Variants in CEP120 observed in about 807,000 individuals in gnomAD.
CEP120 encodes centrosomal protein 120.
A neutral mutation model predicts 126.5 loss-of-function variants in CEP120; 113 were observed. The ratio of observed to expected loss-of-function variants is 0.89; its 90% CI spans 0.77 to 1.04. The LOEUF (loss-of-function observed/expected upper bound fraction) is 1.04, where lower values mean the gene tolerates loss of function less well. Ranked by LOEUF, CEP120 falls within the 50% of genes least tolerant of loss-of-function variation. The pLI is 0.00. For missense variants in CEP120, 1,230 were observed against 1,155.7 expected, an observed-to-expected ratio of 1.06 and a Z score of -0.93; for synonymous variants, 400 against 394.3, an observed-to-expected ratio of 1.01 and a Z score of -0.17.
At chr5:123,412,581 A>G (rs781432734) in intron 3 of CEP120, 41 bp from the exon 4 acceptor site, 77 of 1,462,958 alleles carry the variant, frequency 5.3e-5, no homozygotes, top group Non-Finnish European at 6.9e-5. Flanking sequence ...ATAGTTAATA[A>G]GGGAAAAAAC....
Position 123,382,896 on chromosome 5 carries a change from GA to G in CEP120, c.1861-8del. 6.2e-7 allele frequency: 1 copy of G among 1,611,830 alleles called. No homozygotes were observed. Among genetic ancestry groups the G allele is most frequent in the East Asian group, 2.2e-5 (1 of 44,830 alleles). On this transcript the variant is annotated splice_polypyrimidine_tract_variant and splice_region_variant and intron_variant, in intron 12 of 19. Transcript: ENST00000306467. ...GCTGTACGGCAGATACACCCTAAGA[GA>G]TGAACCAAAAAGTACATTTAAACAC...
intron 14 of CEP120, among the ~76,000 whole-genome samples, chr5:123,381,590 T>G (rs1189440690): frequency 1.3e-5 from 2 of 152,146 alleles, no homozygotes; most frequent in East Asian, 1.9e-4. Context: ...TTATCATTTT[T>G]AAAAATGTAA....
At chr5:123,408,069 C>T (rs1036060686) in intron 4 of CEP120, among the ~76,000 whole-genome samples, 22 of 152,046 alleles carry the variant, frequency 1.4e-4, no homozygotes, top group African/African-American at 5.3e-4. Context: ...TTTATTTCTC[C>T]TTCACTTTTG....
chr5:123,389,845 A>C, intron 8 of CEP120, 79 bp downstream of exon 8: 2 of 1,285,492 alleles, frequency 1.6e-6, no homozygotes, highest in Non-Finnish European at 2.2e-6. Context: ...TAACTCATGA[A>C]AGTTCTCATA....
At chr5:123,390,851 G>T (rs540906871) in intron 7 of CEP120, 6 of 333,110 alleles carry the variant, frequency 1.8e-5, no homozygotes, top group Admixed American at 1.3e-4. Flanking sequence ...TCTGGAGTTG[G>T]GGGTGGGGGA....
At chr5:123,358,178 T>G (rs941872688) in intron 18 of CEP120, 1 of 152,112 alleles carries the variant, frequency 6.6e-6, no homozygotes, top group Admixed American at 6.6e-5. Flanking sequence ...AAAAGACTTT[T>G]AATATATCTT....
chr5:123,382,352 T>C, intron 13 of CEP120, 152 bp from the exon 14 acceptor site: 1 of 511,596 alleles, frequency 2.0e-6, no homozygotes, highest in Non-Finnish European at 3.4e-6. Flanking sequence ...AAAAGGAGGA[T>C]GCCTGAGGCA....
At chr5:123,349,767 G>A (rs950671346) in intron 19 of CEP120, among the ~76,000 whole-genome samples, 177 bp downstream of exon 19, 1 of 152,044 alleles carries the variant, frequency 6.6e-6, no homozygotes, top group Non-Finnish European at 1.5e-5. Context: ...TCCTCTCAAA[G>A]TGCTAGGATT....
chr5:123,416,206 G>T (rs1774381035), intron 2 of CEP120, 82 bp from the exon 3 acceptor site: 2 of 772,394 alleles, frequency 2.6e-6, no homozygotes, highest in East Asian at 2.7e-5. Flanking sequence ...CTATTATCAA[G>T]ATACTTATAA....
intron 5 of CEP120, among the ~76,000 whole-genome samples, chr5:123,396,291 T>A (rs1191636243): frequency 6.6e-6 from 1 of 152,222 alleles, no homozygotes; most frequent in Non-Finnish European, 1.5e-5. Context: ...TGAATACCTA[T>A]TTCCAATACT....
intron 4 of CEP120, chr5:123,402,240 G>A (rs374690259): frequency 1.3e-6 from 2 of 1,506,602 alleles, no homozygotes; most frequent in Non-Finnish European, 9.1e-7. Flanking sequence ...GAAGCTTGAG[G>A]AGCTGATGTG....
At position 123,345,259 on chromosome 5, in the gene CEP120, A is replaced by G. The variant is rs1768727690; in HGVS notation, c.*1260T>C. On this transcript the variant is annotated 3_prime_UTR_variant, in exon 20 of 20. Transcript: ENST00000306467. ...TGCTGGGTTATTTTTTACTAGATTA[A>G]TACTCTGTTAATAAGGAAAAAATAT... 1 of 152,150 alleles carries G rather than the reference A, an allele frequency of 6.6e-6. No individual in the cohort carries two copies. Among genetic ancestry groups the G allele is most frequent in the African/African-American group, 2.4e-5 (1 of 41,454 alleles). 9.4% of individuals were successfully genotyped at this position (152,150 alleles called of 1,614,324 possible). A position where few individuals can be genotyped will look rare whatever the true frequency, so the allele number is the denominator to read the frequency against.
In CEP120 at chr5:123,388,510, G is replaced by T. The variant is rs772264882; in HGVS notation, c.1352C>A (p.Ser451Ter). 6.2e-7 allele frequency: 1 copy of T among 1,610,282 alleles called. No individual in the cohort carries two copies. Among genetic ancestry groups the T allele is most frequent in the African/African-American group, 1.3e-5 (1 of 74,912 alleles). The stretch of plus-strand genomic sequence containing the variant: ...GTCTATTGAAAAGCAAAAATGATGT[G>T]ATGTTGCTGGTACAGCAATCTTCTG... Reference protein sequence around the residue: ...SGQKIAVPATSHHFCFSIDLR... With the variant: ...SGQKIAVPAT Residue 451 changes from serine to a stop codon, truncating the protein, a stop_gained, in exon 9 of 20, where the codon TCA (serine) becomes TAA (stop). Coordinates refer to ENST00000306467, the MANE Select transcript of CEP120 (RefSeq NM_001375405.1). LOFTEE classifies it high-confidence loss of function.
chr5:123,395,307 C>G (rs1772702544), intron 5 of CEP120, among the ~76,000 whole-genome samples: 1 of 152,152 alleles, frequency 6.6e-6, no homozygotes, highest in Non-Finnish European at 1.5e-5. Context: ...CTGCTCCAAA[C>G]TCAATCCTCC....
intron 4 of CEP120, chr5:123,401,058 C>A (rs966925196): frequency 2.6e-6 from 4 of 1,558,688 alleles, no homozygotes; most frequent in Non-Finnish European, 3.5e-6. Flanking sequence ...GCTTGTGAGG[C>A]CCCCACAGGC....
intron 8 of CEP120, among the ~76,000 whole-genome samples, chr5:123,389,720 G>A (rs1266912239): frequency 2.0e-5 from 3 of 152,162 alleles, no homozygotes; most frequent in Admixed American, 6.5e-5. Flanking sequence ...GGCTGGTCTC[G>A]AATGCCCAAC....
chr5:123,412,400 T>C lies in CEP120; in HGVS notation c.462A>G (p.Lys154=). 2 of 1,594,854 alleles carry C rather than the reference T, an allele frequency of 1.3e-6. No homozygotes were observed. Among genetic ancestry groups the C allele is most frequent in the Admixed American group, 1.8e-5 (1 of 54,832 alleles). The stretch of plus-strand genomic sequence containing the variant: ...TGTTTTTAGAGATGATGCACAAACC[T>C]TTTCCATCTCGAGGGGGAGCCCCCT... The part of the protein sequence containing the change: ...KAKGAPPRDG[K]VPAILAGLDP... Residue 154 remains lysine (K), a splice_region_variant and synonymous_variant, in exon 4 of 20, where the codon AAA becomes AAG. Transcript: ENST00000306467.
intron 4 of CEP120, among the ~76,000 whole-genome samples, chr5:123,404,306 T>C (rs1773500069): frequency 6.6e-6 from 1 of 152,238 alleles, no homozygotes; most frequent in Non-Finnish European, 1.5e-5. Context: ...CTACGTACAA[T>C]GTATGCCATT....
chr5:123,401,678 T>C, intron 4 of CEP120: 3 of 1,411,292 alleles, frequency 2.1e-6, no homozygotes, highest in Non-Finnish European at 2.0e-6. Flanking sequence ...CCTGAGGAAG[T>C]TGATCTCATC....
Sources: allele counts gnomAD v4.1 joint callset (sites outside exome capture counted in the v4.1 genomes callset), GRCh38; gene constraint gnomAD v4.1.1; transcripts MANE v1.5; gene names NCBI Gene and HGNC (gene_info 2026-07-23, HGNC 2026-07-21).